PHF20: variants seen among roughly 807,000 people sequenced by gnomAD.
The protein encoded by PHF20 is glioma-expressed antigen 2.
PHF20 carries 23 observed loss-of-function variants against 113.5 expected under a neutral mutation model. That is an observed-to-expected ratio of 0.20 (90% CI 0.15 to 0.29). PHF20 has a LOEUF of 0.29. PHF20 is among the 10% of genes least tolerant of loss of function. The pLI, the probability that PHF20 is intolerant of heterozygous loss-of-function variation, is 1.00. For missense variants in PHF20, 943 were observed against 1,219.6 expected (o/e 0.77, Z 3.38); for synonymous variants, 434 against 457.3 (o/e 0.95, Z 0.65).
At chr20:35,892,750 C>T (rs2054899112) in intron 9 of PHF20, among the ~76,000 whole-genome samples, 1 of 152,108 alleles carries the variant, frequency 6.6e-6, no homozygotes, top group African/African-American at 2.4e-5. Flanking sequence ...TTTTCTCACT[C>T]TGATGCTTGT....
intron 6 of PHF20, among the ~76,000 whole-genome samples, chr20:35,864,935 C>T (rs1233202698): frequency 5.3e-5 from 8 of 152,214 alleles, no homozygotes; most frequent in Admixed American, 2.0e-4. Flanking sequence ...CCTGTAATCT[C>T]AGTGGTTTGG....
intron 15 of PHF20, among the ~76,000 whole-genome samples, chr20:35,933,071 C>T (rs1797490877): frequency 6.6e-6 from 1 of 151,784 alleles, no homozygotes; most frequent in South Asian, 2.1e-4. Context: ...ATGTGTATGC[C>T]ACATTTTGTT....
intron 17 of PHF20, among the ~76,000 whole-genome samples, chr20:35,945,158 A>G (rs1227673101): frequency 6.6e-6 from 1 of 152,162 alleles, no homozygotes; most frequent in Admixed American, 6.5e-5. Context: ...GATAAACTAC[A>G]TAGGGCCCAG....
intron 10 of PHF20, 72 bp downstream of exon 10, chr20:35,899,720 A>G (rs545348976): frequency 2.2e-4 from 333 of 1,493,372 alleles, no homozygotes; most frequent in Non-Finnish European, 2.9e-4. Context: ...GTTTTCTGAC[A>G]CACAAAGCAG....
intron 1 of PHF20, among the ~76,000 whole-genome samples, chr20:35,772,737 A>G (rs1450386017): frequency 1.3e-5 from 2 of 151,354 alleles, no homozygotes; most frequent in South Asian, 2.1e-4. Flanking sequence ...CTCCAATTTG[A>G]TTCTGCATTT....
chr20:35,783,108 A>G (rs1458309124), intron 1 of PHF20, among the ~76,000 whole-genome samples: 1 of 152,040 alleles, frequency 6.6e-6, no homozygotes, highest in Middle Eastern at 3.2e-3. Context: ...GCTGAGGTGG[A>G]AGGATTGCTT....
intron 13 of PHF20, among the ~76,000 whole-genome samples, chr20:35,924,240 G>T (rs1398995261): frequency 1.4e-5 from 2 of 144,492 alleles, no homozygotes; most frequent in African/African-American, 5.2e-5. Context: ...CGCCCAGGCT[G>T]GGGTAGTGCA....
At chr20:35,820,699 TC>T (rs1422795612) in intron 2 of PHF20, among the ~76,000 whole-genome samples, 2 of 152,194 alleles carry the variant, frequency 1.3e-5, no homozygotes, top group South Asian at 4.1e-4. Flanking sequence ...TCTGCCTGCC[TC>T]AGCCTCCCAA....
At chr20:35,922,622 T>G (rs2055540440) in intron 13 of PHF20, among the ~76,000 whole-genome samples, 1 of 152,258 alleles carries the variant, frequency 6.6e-6, no homozygotes, top group Admixed American at 6.5e-5. Flanking sequence ...AAATACGGTA[T>G]TTGAGAAATC....
intron 5 of PHF20, among the ~76,000 whole-genome samples, chr20:35,858,934 A>G (rs2425179): frequency 0.012 from 1,893 of 152,060 alleles, 39 homozygotes; most frequent in African/African-American, 0.044. Flanking sequence ...ACCATTGCCT[A>G]TATTCTGTTC....
chr20:35,839,099 A>G (rs535680290), intron 2 of PHF20, among the ~76,000 whole-genome samples: 6 of 152,160 alleles, frequency 3.9e-5, no homozygotes, highest in Middle Eastern at 6.8e-3. Flanking sequence ...CATTAAAGAA[A>G]GTGGTTTGAA....
At chr20:35,894,138 C>T (rs1195962737) in intron 9 of PHF20, among the ~76,000 whole-genome samples, 4 of 152,246 alleles carry the variant, frequency 2.6e-5, no homozygotes, top group East Asian at 3.9e-4. Flanking sequence ...TTCAGGAGGA[C>T]GTAGACGAAA....
At chr20:35,831,436 A>G (rs2042357073) in intron 2 of PHF20, among the ~76,000 whole-genome samples, 1 of 152,086 alleles carries the variant, frequency 6.6e-6, no homozygotes, top group South Asian at 2.1e-4. Context: ...AAGTGCTGGG[A>G]TTATAGGCAT....
At chr20:35,876,054 G>A (rs1024685335) in intron 9 of PHF20, among the ~76,000 whole-genome samples, 4 of 152,144 alleles carry the variant, frequency 2.6e-5, no homozygotes, top group African/African-American at 9.7e-5. Context: ...TCATGTCGTC[G>A]TCTGCATCCT....
chr20:35,781,105 G>T (rs542381169), intron 1 of PHF20, among the ~76,000 whole-genome samples: 37 of 150,666 alleles, frequency 2.5e-4, no homozygotes, highest in Middle Eastern at 3.5e-3. Flanking sequence ...CACCCACCTC[G>T]GCCTAAAGTG....
chr20:35,814,310 C>A (rs1292809798), intron 2 of PHF20, among the ~76,000 whole-genome samples: 1 of 151,676 alleles, frequency 6.6e-6, no homozygotes, highest in African/African-American at 2.4e-5. Context: ...CTCTGCCTCC[C>A]TAGTTCAAGC....
At chr20:35,900,575 T>C (rs1030655880) in intron 10 of PHF20, among the ~76,000 whole-genome samples, 1 of 152,218 alleles carries the variant, frequency 6.6e-6, no homozygotes, top group Admixed American at 6.5e-5. Flanking sequence ...GTCTCATGCC[T>C]ATAATTCCAG....
At chr20:35,867,804 C>G (rs2054344246) in intron 6 of PHF20, among the ~76,000 whole-genome samples, 1 of 151,994 alleles carries the variant, frequency 6.6e-6, no homozygotes, top group Admixed American at 6.6e-5. Context: ...TCTCCCTTCC[C>G]TTCCTCTTTT....
intron 4 of PHF20, 50 bp downstream of exon 4, chr20:35,847,484 G>C: frequency 8.7e-7 from 1 of 1,155,948 alleles, no homozygotes. Flanking sequence ...AGGTGGTGGG[G>C]GGGGATGTTT....
Sources: allele counts gnomAD v4.1 joint callset (sites outside exome capture counted in the v4.1 genomes callset), GRCh38; gene constraint gnomAD v4.1.1; transcripts MANE v1.5; gene names NCBI Gene and HGNC (gene_info 2026-07-23, HGNC 2026-07-21).